The following STIM1 variants were observed in gnomAD, a reference collection of about 807,000 sequenced individuals.
STIM1 encodes stromal interaction molecule 1.
Under a neutral mutation model 74.7 loss-of-function variants are expected in STIM1, and 25 were observed. The observed-to-expected ratio is 0.33, with a 90% CI of 0.24 to 0.47. STIM1 has a LOEUF of 0.47. Among genes scored for constraint, STIM1 ranks in the 20% least tolerant of loss-of-function variants. STIM1 has a pLI of 1.00. For synonymous variants in STIM1, 328 were observed against 348.8 expected, an observed-to-expected ratio of 0.94 and a Z score of 0.66; for missense variants, 728 against 920.8, an observed-to-expected ratio of 0.79 and a Z score of 2.71.
chr11:4,074,433 A>G, intron 6 of STIM1, 69 bp from the exon 7 acceptor site: 2 of 1,581,012 alleles, frequency 1.3e-6, no homozygotes, highest in South Asian at 1.1e-5. Context: ...CTTTGATGCC[A>G]TGACTCATGG....
chr11:4,013,249 A>G (rs12574233), intron 2 of STIM1, among the ~76,000 whole-genome samples: 38,318 of 152,092 alleles, frequency 0.25, 5,973 homozygotes, highest in South Asian at 0.45. Context: ...AAATGAGTTA[A>G]GGAGGATTCC....
chr11:3,992,081 G>GTTTTTT (rs1554963559), intron 2 of STIM1, among the ~76,000 whole-genome samples: 44 of 91,958 alleles, frequency 4.8e-4, no homozygotes, highest in African/African-American at 1.2e-3. Context: ...GCCAACATCT[G>GTTTTTT]TTTTTTTGTT....
chr11:3,925,319 T>A (rs2092774269), intron 1 of STIM1, among the ~76,000 whole-genome samples: 1 of 152,206 alleles, frequency 6.6e-6, no homozygotes, highest in African/African-American at 2.4e-5. Flanking sequence ...CGCTTAAACC[T>A]GGGAGGCGGA....
chr11:3,904,765 A>T (rs538963266), intron 1 of STIM1, among the ~76,000 whole-genome samples: 1 of 152,120 alleles, frequency 6.6e-6, no homozygotes, highest in Non-Finnish European at 1.5e-5. Context: ...AACACATGGA[A>T]TACAAGAGAG....
At chr11:4,057,160 G>T (rs1214413403) in intron 4 of STIM1, among the ~76,000 whole-genome samples, 3 of 152,118 alleles carry the variant, frequency 2.0e-5, no homozygotes, top group African/African-American at 4.8e-5. Context: ...CCAGGATTTA[G>T]GTTTCTTTCT....
At chr11:4,040,710 A>C (rs538449693) in intron 3 of STIM1, among the ~76,000 whole-genome samples, 1 of 152,348 alleles carries the variant, frequency 6.6e-6, no homozygotes, top group Admixed American at 6.5e-5. Flanking sequence ...ATCTTAGATA[A>C]GTTGTTTGGC....
intron 1 of STIM1, among the ~76,000 whole-genome samples, chr11:3,911,797 C>G (rs1367988499): frequency 2.0e-5 from 3 of 152,184 alleles, no homozygotes; most frequent in Non-Finnish European, 4.4e-5. Flanking sequence ...TCTACTGTTA[C>G]TCTCCTATCA....
At chr11:4,041,527 G>A (rs1217147833) in intron 3 of STIM1, among the ~76,000 whole-genome samples, 1 of 151,946 alleles carries the variant, frequency 6.6e-6, no homozygotes, top group Admixed American at 6.6e-5. Context: ...AAAATATTAA[G>A]TAATTTGCCC....
intron 1 of STIM1, among the ~76,000 whole-genome samples, chr11:3,880,660 C>T (rs1443149534): frequency 6.6e-6 from 1 of 152,148 alleles, no homozygotes; most frequent in East Asian, 1.9e-4. Context: ...ACCCCTGCCC[C>T]TCCCCAAAAG....
intron 3 of STIM1, among the ~76,000 whole-genome samples, chr11:4,035,554 T>G (rs2094092601): frequency 6.6e-6 from 1 of 151,998 alleles, no homozygotes; most frequent in Non-Finnish European, 1.5e-5. Context: ...TAGCTCAAAA[T>G]ATTTTATATT....
chr11:4,043,586 TA>T (rs1233963964), intron 3 of STIM1, among the ~76,000 whole-genome samples: 2 of 152,238 alleles, frequency 1.3e-5, no homozygotes. Context: ...TACTTATTTT[TA>T]TCTCATTGTT....
At chr11:3,903,188 C>G (rs2092392964) in intron 1 of STIM1, among the ~76,000 whole-genome samples, 1 of 152,100 alleles carries the variant, frequency 6.6e-6, no homozygotes, top group South Asian at 2.1e-4. Flanking sequence ...ATAATTTGCC[C>G]AAACTCACAT....
At chr11:4,011,719 G>T (rs6578430) in intron 2 of STIM1, among the ~76,000 whole-genome samples, 116,643 of 152,080 alleles carry the variant, frequency 0.77, 45,837 homozygotes, top group South Asian at 0.9. Flanking sequence ...CAGAAGCTCT[G>T]TAGTTTAATT....
At chr11:3,927,837 CT>C (rs2092807448) in intron 1 of STIM1, among the ~76,000 whole-genome samples, 1 of 152,190 alleles carries the variant, frequency 6.6e-6, no homozygotes, top group Non-Finnish European at 1.5e-5. Context: ...TCTCCTCAAA[CT>C]AGCCAAAATC....
At chr11:3,864,263 T>C (rs1352857987) in intron 1 of STIM1, among the ~76,000 whole-genome samples, 2 of 152,354 alleles carry the variant, frequency 1.3e-5, no homozygotes, top group South Asian at 2.1e-4. Context: ...TGGTTACTTA[T>C]TGGTGTATAA....
chr11:3,885,256 G>C (rs2091663298), intron 1 of STIM1, among the ~76,000 whole-genome samples: 1 of 151,560 alleles, frequency 6.6e-6, no homozygotes, highest in Admixed American at 6.6e-5. Context: ...ATGGCTCACT[G>C]CAGCCTTGAC....
At chr11:3,975,523 C>T (rs113416658) in intron 2 of STIM1, among the ~76,000 whole-genome samples, 2,117 of 152,228 alleles carry the variant, frequency 0.014, 51 homozygotes, top group African/African-American at 0.049. Context: ...AAGGCTGAGG[C>T]AGGAGAATCG....
At chr11:4,055,296 C>T (rs1250523434) in intron 3 of STIM1, among the ~76,000 whole-genome samples, 2 of 152,192 alleles carry the variant, frequency 1.3e-5, no homozygotes, top group East Asian at 1.9e-4. Context: ...GTCCCCAGCT[C>T]CCTTCCTGGC....
rs563278184 is a variant in STIM1, at chr11:4,057,271, T to A, written c.497+1634T>A. 2.0e-5 allele frequency among the ~76,000 whole-genome samples: 3 copies of A among 152,328 alleles called. No individual in the cohort carries two copies. The East Asian group carries it at 5.8e-4, about 29-fold the overall frequency. On this transcript the variant is annotated intron_variant, in intron 4 of 12. Coordinates refer to ENST00000526596, the MANE Select transcript of STIM1 (RefSeq NM_001382567.1). ...TGGATTAAAACTGCAAAGCATAGGATAAGAAGTCAGTTCTCAGGTCACTGG... is the reference window on the plus strand; with the variant it reads ...TGGATTAAAACTGCAAAGCATAGGAAAAGAAGTCAGTTCTCAGGTCACTGG...
Sources: allele counts gnomAD v4.1 joint callset (sites outside exome capture counted in the v4.1 genomes callset), GRCh38; gene constraint gnomAD v4.1.1; transcripts MANE v1.5; gene names NCBI Gene and HGNC (gene_info 2026-07-23, HGNC 2026-07-21).